The following ST3GAL3 variants were observed in gnomAD, a reference collection of about 807,000 sequenced individuals.
The protein encoded by ST3GAL3 is ST3 beta-galactoside alpha-2,3-sialyltransferase 3.
A neutral mutation model predicts 50.1 loss-of-function variants in ST3GAL3; 21 were observed. The observed-to-expected ratio is 0.42, with a 90% CI of 0.30 to 0.60. ST3GAL3 has a LOEUF of 0.60. Ranked by LOEUF, ST3GAL3 falls within the 20% of genes least tolerant of loss-of-function variation. The probability of loss-of-function intolerance (pLI) is 0.19; values close to 1 mark genes in which losing one functional copy is unlikely to be tolerated. For synonymous variants in ST3GAL3, 183 were observed against 190.0 expected (o/e 0.96, Z 0.30); for missense variants, 353 against 489.4 (o/e 0.72, Z 2.63).
At chr1:43,918,609 T>TAA (rs1486460657) in intron 9 of ST3GAL3, among the ~76,000 whole-genome samples, 10 of 152,132 alleles carry the variant, frequency 6.6e-5, no homozygotes, top group Admixed American at 1.3e-4. Flanking sequence ...TATATATATA[T>TAA]AATTGTTGTA....
intron 2 of ST3GAL3, among the ~76,000 whole-genome samples, chr1:43,774,928 C>T (rs762283519): frequency 5.3e-5 from 8 of 152,082 alleles, no homozygotes; most frequent in Non-Finnish European, 8.8e-5. Context: ...CAGTTACATC[C>T]GCGGTAAGTA....
intron 4 of ST3GAL3, among the ~76,000 whole-genome samples, chr1:43,830,239 A>G (rs2063369383): frequency 6.6e-6 from 1 of 151,840 alleles, no homozygotes; most frequent in Non-Finnish European, 1.5e-5. Context: ...AGGTCTCCCT[A>G]TGTTGCCTCT....
intron 1 of ST3GAL3, among the ~76,000 whole-genome samples, chr1:43,725,319 T>C (rs1330578371): frequency 1.3e-5 from 2 of 152,218 alleles, no homozygotes; most frequent in East Asian, 3.9e-4. Context: ...TTCTCCTGCC[T>C]CAGCCTCCCA....
chr1:43,875,947 C>CTTATTA (rs1468564333), intron 5 of ST3GAL3, among the ~76,000 whole-genome samples: 3 of 57,348 alleles, frequency 5.2e-5, no homozygotes, highest in Admixed American at 1.9e-4. Flanking sequence ...TCTTCTTCTT[C>CTTATTA]TTCTTATTAT....
intron 1 of ST3GAL3, among the ~76,000 whole-genome samples, chr1:43,712,365 AT>A (rs1233975261): frequency 2.6e-5 from 4 of 151,998 alleles, no homozygotes; most frequent in African/African-American, 9.7e-5. Context: ...TTATTTTCAC[AT>A]TTTTCATATT....
rs1251586167 is a variant in ST3GAL3 at position 43,737,484 on chromosome 1, A to G, written c.118+1104A>G. On this transcript the variant is annotated intron_variant, in intron 2 of 11. Transcript: ENST00000347631. This position sits in a 1 kb window ranked among gnomAD's most constrained non-coding sequence, Gnocchi z 4.0. Reference sequence around the variant, plus strand: ...AAGCCAGTTTTTAAAATATAGTGTTATATCCTTAATTTACTGTTTTATATA... The same window carrying G: ...AAGCCAGTTTTTAAAATATAGTGTTGTATCCTTAATTTACTGTTTTATATA... The G allele has an allele frequency of 6.6e-6, 1 of 152,228 alleles. No homozygotes were observed. Among genetic ancestry groups the G allele is most frequent in the Non-Finnish European group, 1.5e-5 (1 of 68,034 alleles). The allele number at this position is 152,228 out of a possible 1,614,324, so 9.4% of individuals were successfully genotyped here. A position where few individuals can be genotyped will look rare whatever the true frequency, so the allele number is the denominator to read the frequency against.
chr1:43,741,963 G>A (rs12063414), intron 2 of ST3GAL3, among the ~76,000 whole-genome samples: 5,797 of 152,174 alleles, frequency 0.038, 391 homozygotes, highest in African/African-American at 0.13. Context: ...GAATCTGTGG[G>A]GTGGACCATC....
chr1:43,711,667 T>C (rs1172340061), intron 1 of ST3GAL3, among the ~76,000 whole-genome samples: 1 of 152,200 alleles, frequency 6.6e-6, no homozygotes, highest in Non-Finnish European at 1.5e-5. Context: ...CAAGCACTTG[T>C]AAATGCTCAC....
rs1389803854 is a variant in ST3GAL3 at position 43,899,970 on chromosome 1, G to C, written c.744+243G>C. Among the ~76,000 whole-genome samples the C allele has an allele frequency of 6.6e-6, 1 of 152,164 alleles. No individual in the cohort carries two copies. The highest frequency in any genetic ancestry group is 1.5e-5 in the Non-Finnish European group (1 of 68,016). ...CTGCTACCTGCTTCCAGGTGCCCAG[G>C]TGCAGATCCTTTCTCAGCCTTCTGT... is the stretch of plus-strand genomic sequence containing the variant. On this transcript the variant is annotated intron_variant, in intron 9 of 11. Transcript: ENST00000347631. This position sits in a 1 kb window ranked among gnomAD's most constrained non-coding sequence, Gnocchi z 5.4.
chr1:43,911,423 C>T (rs2080813408), intron 9 of ST3GAL3, among the ~76,000 whole-genome samples: 2 of 150,522 alleles, frequency 1.3e-5, no homozygotes, highest in African/African-American at 4.9e-5. Context: ...TGGTCCAGCA[C>T]AACAGATCTC....
chr1:43,911,577 A>G (rs2080865564), intron 9 of ST3GAL3, among the ~76,000 whole-genome samples: 1 of 151,542 alleles, frequency 6.6e-6, no homozygotes, highest in Non-Finnish European at 1.5e-5. Context: ...CTGTAGCTAT[A>G]GATATCTATA....
rs201012151 is a variant in ST3GAL3, at chr1:43,899,243, C to T, written c.537C>T (p.Asp179=). ...LANKSLGSRI[D]DYDIVVRLNS... ...ACAAGTCTCTGGGGTCACGAATTGA[C>T]GACTATGACATTGTGGTGAGGTGAG... The change falls in exon 8 of 12, where the codon GAC becomes GAT. Residue 179 remains aspartate (D), a synonymous_variant. Transcript: ENST00000347631. The surrounding 1 kb of genome is among the most constrained non-coding windows in gnomAD (Gnocchi z 5.4). The T allele has an allele frequency of 1.2e-5, 20 of 1,614,210 alleles. No individual in the cohort carries two copies. Among genetic ancestry groups the T allele is most frequent in the East Asian group, 4.5e-5 (2 of 44,890 alleles).
chr1:43,756,073 C>A (rs1239731586), intron 2 of ST3GAL3, among the ~76,000 whole-genome samples: 1 of 118,024 alleles, frequency 8.5e-6, no homozygotes, highest in Non-Finnish European at 1.6e-5. Context: ...TGTACTCTAA[C>A]CTGGTAGACA....
Position 43,783,367 on chromosome 1 carries a change from C to T in ST3GAL3, c.119-8735C>T, listed in dbSNP as rs367723456. Among the ~76,000 whole-genome samples the T allele has an allele frequency of 4.6e-5, 7 of 152,322 alleles. No homozygotes were observed. In the South Asian group the frequency reaches 1.5e-3, roughly 32 times the overall value. On this transcript the variant is annotated intron_variant, in intron 2 of 11. Coordinates refer to ENST00000347631, the MANE Select transcript of ST3GAL3 (RefSeq NM_006279.5). Reference sequence around the variant, plus strand: ...CCAGGCTGGCTCCTTTCAGTAGCAGCCTCCATGCCTTTACCCCCTTGTCCT... The same window carrying T: ...CCAGGCTGGCTCCTTTCAGTAGCAGTCTCCATGCCTTTACCCCCTTGTCCT...
chr1:43,825,663 C>T (rs1288503459), intron 4 of ST3GAL3, among the ~76,000 whole-genome samples: 1 of 152,168 alleles, frequency 6.6e-6, no homozygotes, highest in African/African-American at 2.4e-5. Context: ...TGGGCTTCAT[C>T]TCAAGGGCAA....
intron 3 of ST3GAL3, among the ~76,000 whole-genome samples, chr1:43,809,567 C>T (rs2060292234): frequency 6.6e-6 from 1 of 151,870 alleles, no homozygotes; most frequent in Admixed American, 6.6e-5. Context: ...TGTGGTGGTG[C>T]TTGTCTGTAG....
At chr1:43,754,926 A>G (rs1457167293) in intron 2 of ST3GAL3, among the ~76,000 whole-genome samples, 1 of 70,208 alleles carries the variant, frequency 1.4e-5, no homozygotes, top group African/African-American at 3.1e-5. Context: ...ACCCTGTCTC[A>G]AAAAAAAAAA....
At chr1:43,862,790 C>G (rs932037664) in intron 5 of ST3GAL3, among the ~76,000 whole-genome samples, 2 of 151,034 alleles carry the variant, frequency 1.3e-5, no homozygotes, top group African/African-American at 2.4e-5. Context: ...ATGGTGTGCA[C>G]TTGTAGCCCT....
intron 3 of ST3GAL3, among the ~76,000 whole-genome samples, chr1:43,804,591 C>G (rs576826473): frequency 5.3e-5 from 8 of 152,104 alleles, no homozygotes; most frequent in Non-Finnish European, 1.2e-4. Flanking sequence ...TGGGAGGGAA[C>G]TACCTTGGCA....
Sources: allele counts gnomAD v4.1 joint callset (sites outside exome capture counted in the v4.1 genomes callset), GRCh38; gene constraint gnomAD v4.1.1; non-coding constraint Gnocchi (gnomAD v3.1); transcripts MANE v1.5; gene names NCBI Gene and HGNC (gene_info 2026-07-23, HGNC 2026-07-21).